Variants in MYCBP2 observed in about 807,000 individuals in gnomAD.
MYCBP2 encodes MYC binding protein 2.
A neutral mutation model predicts 525.3 loss-of-function variants in MYCBP2; 120 were observed. The ratio of observed to expected loss-of-function variants is 0.23; its 90% CI spans 0.20 to 0.27. MYCBP2 has a LOEUF of 0.27. MYCBP2 is among the 10% of genes least tolerant of loss of function. MYCBP2 has a pLI of 1.00. For missense variants in MYCBP2, 4,149 were observed against 5,657.1 expected, an observed-to-expected ratio of 0.73 and a Z score of 8.55; for synonymous variants, 1,894 against 1,955.8, an observed-to-expected ratio of 0.97 and a Z score of 0.83.
At chr13:77,164,063 T>C (rs1478623680) in intron 43 of MYCBP2, among the ~76,000 whole-genome samples, 1 of 152,248 alleles carries the variant, frequency 6.6e-6, no homozygotes, top group Non-Finnish European at 1.5e-5. Context: ...CATATTCAAT[T>C]ACATTTCTAT....
At chr13:77,087,037 C>G (rs1284167385) in intron 62 of MYCBP2, among the ~76,000 whole-genome samples, 2 of 152,042 alleles carry the variant, frequency 1.3e-5, no homozygotes, top group African/African-American at 4.8e-5. Flanking sequence ...TTTCTACTGT[C>G]TATTGTTTTT....
chr13:77,136,565 C>T (rs1236738082), intron 52 of MYCBP2, among the ~76,000 whole-genome samples: 1 of 152,106 alleles, frequency 6.6e-6, no homozygotes, highest in African/African-American at 2.4e-5. Flanking sequence ...CTTTTAATTC[C>T]AGACACTTAG....
intron 33 of MYCBP2, 24 bp from the exon 34 acceptor site, chr13:77,180,342 T>C: frequency 6.2e-7 from 1 of 1,604,836 alleles, no homozygotes. Context: ...GAAAAAGTTC[T>C]AAGGTATTGT....
chr13:77,148,028 T>G (rs2055883599), intron 47 of MYCBP2, among the ~76,000 whole-genome samples: 1 of 152,044 alleles, frequency 6.6e-6, no homozygotes, highest in African/African-American at 2.4e-5. Context: ...AACTGAAGCA[T>G]GTTCATAGGA....
chr13:77,281,173 G>C (rs978328357), intron 3 of MYCBP2, among the ~76,000 whole-genome samples: 34 of 152,292 alleles, frequency 2.2e-4, no homozygotes, highest in Admixed American at 1.8e-3. Flanking sequence ...CAGGAAGGAA[G>C]AGTGTAAGGA....
intron 17 of MYCBP2, among the ~76,000 whole-genome samples, chr13:77,241,382 T>C (rs1405945862): frequency 6.6e-6 from 1 of 152,196 alleles, no homozygotes; most frequent in African/African-American, 2.4e-5. Flanking sequence ...GGATGTGCTA[T>C]ACTGTAGTTT....
At chr13:77,079,573 A>C (rs532484377) in intron 65 of MYCBP2, among the ~76,000 whole-genome samples, 326 of 152,336 alleles carry the variant, frequency 2.1e-3, no homozygotes, top group African/African-American at 7.6e-3. Flanking sequence ...GCTGTGTACA[A>C]GGCTCTGTGG....
rs561638181 is a variant in MYCBP2, at chr13:77,316,895, C to T, written c.302+9579G>A. 3.9e-5 allele frequency among the ~76,000 whole-genome samples: 6 copies of T among 152,230 alleles called. No homozygotes were observed. In the East Asian group the frequency reaches 1.2e-3, roughly 29 times the overall value. On this transcript the variant is annotated intron_variant, in intron 1 of 82. Transcript: ENST00000544440. Reference sequence around the variant, plus strand: ...GCTCCACTGTGGAACACAGCCCTACCTCCTCCACATGAACAAGGACATTAA... The same window carrying T: ...GCTCCACTGTGGAACACAGCCCTACTTCCTCCACATGAACAAGGACATTAA...
At chr13:77,197,125 A>T (rs904080761) in intron 26 of MYCBP2, among the ~76,000 whole-genome samples, 1 of 152,214 alleles carries the variant, frequency 6.6e-6, no homozygotes, top group South Asian at 2.1e-4. Flanking sequence ...CTGAGGCTTG[A>T]CTATTGAATT....
chr13:77,218,642 A>G (rs1405979819), intron 20 of MYCBP2, among the ~76,000 whole-genome samples: 1 of 152,206 alleles, frequency 6.6e-6, no homozygotes, highest in African/African-American at 2.4e-5. Context: ...GTTCCTGTGA[A>G]CAGTAAAGAG....
chr13:77,095,264 A>G lies in MYCBP2; in HGVS notation c.10199+94T>C. The G allele has an allele frequency of 2.8e-6, 4 of 1,447,260 alleles. No homozygotes were observed. The South Asian group carries it at 3.9e-5, about 14-fold the overall frequency. 89.7% of individuals were successfully genotyped at this position (1,447,260 alleles called of 1,614,324 possible). On this transcript the variant is annotated intron_variant, in intron 58 of 82. Transcript: ENST00000544440. ...TTGTTTATAGTACACAATAGCTAATAAAGTGTAGGTCAAATACCGAACTAC... is the reference window on the plus strand; with the variant it reads ...TTGTTTATAGTACACAATAGCTAATGAAGTGTAGGTCAAATACCGAACTAC...
intron 55 of MYCBP2, chr13:77,109,698 A>C (rs905115349): frequency 1.3e-5 from 2 of 151,776 alleles, no homozygotes; most frequent in Non-Finnish European, 1.5e-5. Context: ...GGAATGAGTT[A>C]GCAGACTTGT....
rs146753203 is a variant in MYCBP2, at chr13:77,187,871, C to T, written c.4251+1080G>A. Among the ~76,000 whole-genome samples the T allele has an allele frequency of 3.6e-3, 545 of 151,734 alleles. 2 individuals are homozygous for T. The highest frequency in any genetic ancestry group is 7.2e-3 in the Admixed American group (110 of 15,246). ...ACCAGCCTGTTCGAGGTCAGGGGTT[C>T]GAGACCACCACCAACATGGTGAAAC... On this transcript the variant is annotated intron_variant, in intron 30 of 82. Transcript: ENST00000544440.
chr13:77,259,025 C>T (rs867093030), intron 13 of MYCBP2, among the ~76,000 whole-genome samples: 19 of 152,080 alleles, frequency 1.2e-4, no homozygotes, highest in African/African-American at 4.3e-4. Context: ...GAGGCTGAGG[C>T]GAGTGTATCA....
intron 57 of MYCBP2, among the ~76,000 whole-genome samples, chr13:77,095,930 G>A (rs1221807334): frequency 6.6e-6 from 1 of 151,704 alleles, no homozygotes; most frequent in African/African-American, 2.4e-5. Context: ...TGCCACTAGA[G>A]TGAATAAAGA....
In MYCBP2 at chr13:77,296,152, G is replaced by A. The variant is rs369840419; in HGVS notation, c.378+447C>T. On this transcript the variant is annotated intron_variant, in intron 2 of 82. Coordinates refer to ENST00000544440, the MANE Select transcript of MYCBP2 (RefSeq NM_015057.5). ...TCCCAGAAATAGGCTGGGCACAGTGGCTCATGTCTGCAATGTCAGTACTTT... is the reference window on the plus strand; with the variant it reads ...TCCCAGAAATAGGCTGGGCACAGTGACTCATGTCTGCAATGTCAGTACTTT... Among the ~76,000 whole-genome samples, 99 of 152,328 alleles carry A rather than the reference G, an allele frequency of 6.5e-4. No homozygotes were observed. In the South Asian group the frequency reaches 0.02, roughly 31 times the overall value.
chr13:77,170,953 G>A (rs2059084144), intron 38 of MYCBP2, among the ~76,000 whole-genome samples: 1 of 152,152 alleles, frequency 6.6e-6, no homozygotes, highest in Admixed American at 6.5e-5. Context: ...TGGGGGAAAG[G>A]CAGCAGTGAG....
At chr13:77,061,602 C>G in intron 75 of MYCBP2, 60 bp downstream of exon 75, 1 of 1,570,384 alleles carries the variant, frequency 6.4e-7, no homozygotes, top group Non-Finnish European at 8.6e-7. Flanking sequence ...AAGCCTCTTT[C>G]ACACATTTAT....
At chr13:77,306,498 T>C (rs929083105) in intron 1 of MYCBP2, among the ~76,000 whole-genome samples, 5 of 151,984 alleles carry the variant, frequency 3.3e-5, no homozygotes, top group Non-Finnish European at 7.4e-5. Context: ...GGGAGGACTA[T>C]AAATAAAGCT....
Sources: gnomAD v4.1 joint callset for allele counts (sites outside exome capture counted in the v4.1 genomes callset) on GRCh38, gnomAD v4.1.1 for gene constraint, MANE v1.5 for transcripts, NCBI Gene and HGNC (gene_info 2026-07-23, HGNC 2026-07-21) for gene names.